Variants in ANKIB1 observed in about 807,000 individuals in gnomAD.
The protein encoded by ANKIB1 is ankyrin repeat and IBR domain containing 1, also known as ankyrin repeat and IBR domain-containing protein 1.
Under a neutral mutation model 122.1 loss-of-function variants are expected in ANKIB1, and 43 were observed. The observed-to-expected ratio is 0.35, with a 90% CI of 0.28 to 0.45. The LOEUF (loss-of-function observed/expected upper bound fraction) is 0.45. Among genes scored for constraint, ANKIB1 ranks in the 20% least tolerant of loss-of-function variants. The probability of loss-of-function intolerance (pLI) is 1.00; values close to 1 mark genes in which losing one functional copy is unlikely to be tolerated. For missense variants in ANKIB1, 992 were observed against 1,329.5 expected (o/e 0.75, Z 3.95); for synonymous variants, 390 against 442.0 (o/e 0.88, Z 1.48).
At chr7:92,319,706 T>A in intron 4 of ANKIB1, 194 bp downstream of exon 4, 1 of 562,082 alleles carries the variant, frequency 1.8e-6, no homozygotes, top group Non-Finnish European at 2.9e-6. Flanking sequence ...GTAGTTCCAG[T>A]GCTTTGGGAG....
chr7:92,343,289 CA>C (rs1331444080), intron 6 of ANKIB1, 57 bp downstream of exon 6: 28 of 1,439,248 alleles, frequency 1.9e-5, no homozygotes, highest in Non-Finnish European at 2.7e-5. Context: ...TTTTAACATT[CA>C]AATGATTTAA....
At chr7:92,301,970 T>G (rs1802466887) in intron 2 of ANKIB1, among the ~76,000 whole-genome samples, 1 of 152,050 alleles carries the variant, frequency 6.6e-6, no homozygotes, top group Non-Finnish European at 1.5e-5. Context: ...GGAGTCTCAT[T>G]TTGTCACCCA....
rs146881011 is a variant in ANKIB1 at position 92,389,824 on chromosome 7, A to G, written c.1907-147A>G. The G allele has an allele frequency of 1.1e-4, 84 of 785,178 alleles. No homozygotes were observed. In the Middle Eastern group the frequency reaches 1.2e-3, roughly 11 times the overall value. The allele number at this position is 785,178 out of a possible 1,614,324, so 48.6% of individuals were successfully genotyped here. A position where few individuals can be genotyped will look rare whatever the true frequency, so the allele number is the denominator to read the frequency against. The stretch of plus-strand genomic sequence containing the variant: ...TATGTAGGTTTTTAGTTTGGTTCAA[A>G]TAAGTATTTTCATACAGTTACTTAA... On this transcript the variant is annotated intron_variant, in intron 14 of 19. Transcript: ENST00000265742.
intron 1 of ANKIB1, among the ~76,000 whole-genome samples, chr7:92,277,215 C>T (rs908702401): frequency 6.6e-6 from 1 of 152,188 alleles, no homozygotes; most frequent in African/African-American, 2.4e-5. Context: ...TTATAAACTT[C>T]TCAGTCTCAG....
chr7:92,336,720 T>A (rs1803297463), intron 5 of ANKIB1, among the ~76,000 whole-genome samples: 1 of 152,158 alleles, frequency 6.6e-6, no homozygotes. Context: ...AAATTTCAAG[T>A]TTCTGTCGTT....
At chr7:92,328,711 A>T (rs571887124) in intron 5 of ANKIB1, among the ~76,000 whole-genome samples, 1 of 152,096 alleles carries the variant, frequency 6.6e-6, no homozygotes, top group Admixed American at 6.5e-5. Flanking sequence ...ATTCTATTCC[A>T]GTCATTTTGA....
chr7:92,251,179 C>T (rs568096194), intron 1 of ANKIB1, among the ~76,000 whole-genome samples: 1 of 152,104 alleles, frequency 6.6e-6, no homozygotes, highest in Non-Finnish European at 1.5e-5. Flanking sequence ...TTAACAATGA[C>T]TAAATTATAA....
chr7:92,295,191 G>A (rs1399013842), intron 2 of ANKIB1, 25 bp downstream of exon 2: 1 of 1,448,212 alleles, frequency 6.9e-7, no homozygotes, highest in African/African-American at 1.4e-5. Context: ...AAACTAATTG[G>A]TATTAGGGTA....
chr7:92,394,308 A>G (rs1184487401), intron 17 of ANKIB1, among the ~76,000 whole-genome samples: 2 of 152,194 alleles, frequency 1.3e-5, no homozygotes, highest in Admixed American at 1.3e-4. Flanking sequence ...TATCCTTAAC[A>G]TTCTCAAACC....
chr7:92,255,547 G>A (rs1324654319), intron 1 of ANKIB1, among the ~76,000 whole-genome samples: 1 of 152,148 alleles, frequency 6.6e-6, no homozygotes, highest in Non-Finnish European at 1.5e-5. Flanking sequence ...TCATGGCTCT[G>A]CTTGCTTTAA....
At chr7:92,270,184 A>T (rs1055834490) in intron 1 of ANKIB1, among the ~76,000 whole-genome samples, 2 of 152,096 alleles carry the variant, frequency 1.3e-5, no homozygotes, top group Admixed American at 1.3e-4. Context: ...CACCACAGCC[A>T]CCCGAGTAGC....
intron 1 of ANKIB1, among the ~76,000 whole-genome samples, chr7:92,246,937 T>C (rs1585065606): frequency 6.6e-6 from 1 of 152,114 alleles, no homozygotes. Context: ...CTGTGATGGG[T>C]GGGGATAGGT....
intron 1 of ANKIB1, among the ~76,000 whole-genome samples, chr7:92,253,837 G>T (rs1374255923): frequency 6.6e-6 from 1 of 152,064 alleles, no homozygotes; most frequent in Non-Finnish European, 1.5e-5. Flanking sequence ...CTCCTGTTTT[G>T]GTAGGCATTC....
intron 1 of ANKIB1, among the ~76,000 whole-genome samples, chr7:92,270,458 T>C (rs1303925021): frequency 2.0e-5 from 3 of 152,162 alleles, no homozygotes; most frequent in Non-Finnish European, 4.4e-5. Context: ...AACAAATAAG[T>C]TGGGGTAGGG....
At chr7:92,380,465 G>C (rs1430549434) in intron 11 of ANKIB1, among the ~76,000 whole-genome samples, 1 of 152,184 alleles carries the variant, frequency 6.6e-6, no homozygotes. Context: ...AGCCTAACTT[G>C]GAGACACCTC....
intron 3 of ANKIB1, among the ~76,000 whole-genome samples, chr7:92,310,299 C>A (rs1442427006): frequency 6.6e-6 from 1 of 152,006 alleles, no homozygotes; most frequent in Non-Finnish European, 1.5e-5. Flanking sequence ...AGCTCTTTGA[C>A]TTACTATTAA....
intron 1 of ANKIB1, among the ~76,000 whole-genome samples, chr7:92,292,958 A>G (rs955020642): frequency 6.6e-6 from 1 of 152,218 alleles, no homozygotes; most frequent in African/African-American, 2.4e-5. Flanking sequence ...ATGTATTTGC[A>G]TATTTAAAAT....
Position 92,386,619 on chromosome 7 carries a change from G to A in ANKIB1, c.1728G>A (p.Glu576=), listed in dbSNP as rs184627659. The A allele has an allele frequency of 1.2e-6, 2 of 1,603,766 alleles. No homozygotes were observed. The highest frequency in any genetic ancestry group is 2.3e-5 in the East Asian group (1 of 44,280). The stretch of plus-strand genomic sequence containing the variant: ...ATGAAGTCATTCAACACGTGGAGGA[G>A]CAATCCAAGGAAATGACTGTGGAGG... ...TRYEVIQHVE[E]QSKEMTVEAE... is the part of the protein sequence containing the mutation. The change falls in exon 12 of 20, where the codon GAG becomes GAA. Residue 576 remains glutamate (E), a synonymous_variant. Transcript: ENST00000265742.
intron 9 of ANKIB1, among the ~76,000 whole-genome samples, chr7:92,359,593 G>A (rs1297618039): frequency 6.6e-6 from 1 of 152,138 alleles, no homozygotes; most frequent in African/African-American, 2.4e-5. Flanking sequence ...ACCCAGTAAT[G>A]GGATTGCTGG....
Sources: gnomAD v4.1 joint callset for allele counts (sites outside exome capture counted in the v4.1 genomes callset) on GRCh38, gnomAD v4.1.1 for gene constraint, MANE v1.5 for transcripts, NCBI Gene and HGNC (gene_info 2026-07-23, HGNC 2026-07-21) for gene names.